USP14: variants seen among roughly 807,000 people sequenced by gnomAD.
The protein encoded by USP14 is ubiquitin specific peptidase 14.
USP14 carries 38 observed loss-of-function variants against 76.5 expected under a neutral mutation model. The ratio of observed to expected loss-of-function variants is 0.50; its 90% CI spans 0.38 to 0.65. The LOEUF is 0.65. USP14 is among the 30% of genes least tolerant of loss of function. The pLI is 0.00. For missense variants in USP14, 467 were observed against 586.5 expected (o/e 0.80, Z 2.10); for synonymous variants, 192 against 191.7 (o/e 1.00, Z -0.01).
chr18:188,313 G>T (rs1282445854), intron 5 of USP14, among the ~76,000 whole-genome samples: 2 of 152,016 alleles, frequency 1.3e-5, no homozygotes, highest in Non-Finnish European at 2.9e-5. Flanking sequence ...TGTTGACCTA[G>T]TACTAAGATT....
At chr18:210,335 G>A (rs753133147) in intron 14 of USP14, 51 bp from the exon 15 acceptor site, 3 of 1,304,960 alleles carry the variant, frequency 2.3e-6, no homozygotes, top group South Asian at 1.4e-5. Flanking sequence ...AGCTTGAGAA[G>A]GCACATGTCT....
intron 13 of USP14, among the ~76,000 whole-genome samples, chr18:209,713 C>T (rs1910619574): frequency 6.6e-6 from 1 of 152,164 alleles, no homozygotes; most frequent in African/African-American, 2.4e-5. Flanking sequence ...TACGCTTTCA[C>T]TTTAATGGTT....
chr18:174,474 C>A (rs1368987604), intron 3 of USP14, among the ~76,000 whole-genome samples: 2 of 152,010 alleles, frequency 1.3e-5, no homozygotes, highest in Non-Finnish European at 2.9e-5. Flanking sequence ...CCATGTTGGT[C>A]AGGCTGGTCT....
chr18:190,664 C>T (rs1910061256), intron 5 of USP14, among the ~76,000 whole-genome samples: 1 of 152,142 alleles, frequency 6.6e-6, no homozygotes, highest in South Asian at 2.1e-4. Context: ...AAAATGTCCT[C>T]TCTTTGTAGG....
intron 14 of USP14, 53 bp downstream of exon 14, chr18:210,084 T>C: frequency 1.4e-6 from 2 of 1,389,582 alleles, no homozygotes; most frequent in Non-Finnish European, 2.0e-6. Context: ...CTTTTTAAGG[T>C]AAAATTTACA....
At chr18:171,633 T>C (rs1035325219) in intron 3 of USP14, among the ~76,000 whole-genome samples, 1 of 152,214 alleles carries the variant, frequency 6.6e-6, no homozygotes, top group African/African-American at 2.4e-5. Flanking sequence ...TCCTGTCTGC[T>C]ACAACAACTA....
intron 3 of USP14, among the ~76,000 whole-genome samples, chr18:177,663 G>T: frequency 7.1e-6 from 1 of 140,574 alleles, no homozygotes; most frequent in African/African-American, 2.6e-5. Flanking sequence ...CTCCACTTCT[G>T]GTCCTACCTT....
chr18:198,057 C>A lies in USP14; in HGVS notation c.686C>A (p.Ser229Ter). 1 of 1,609,266 alleles carries A rather than the reference C, an allele frequency of 6.2e-7. No homozygotes were observed. The highest frequency in any genetic ancestry group is 1.3e-5 in the African/African-American group (1 of 74,944). The change falls in exon 9 of 16, where the codon TCA becomes TAA. Residue 229 changes from serine (S) to a stop codon, truncating the protein, a stop_gained. Transcript: ENST00000261601. LOFTEE classifies it high-confidence loss of function. ...TTTTAATTTTTGCAGACAGACTCCT[C>A]ATCTGCATCGGCAGCGACACCTTCT... ...EDDSVKETDS[S>*]SASAATPSKK...
chr18:161,582 T>A (rs1352613370), intron 1 of USP14, among the ~76,000 whole-genome samples: 1 of 151,788 alleles, frequency 6.6e-6, no homozygotes, highest in East Asian at 1.9e-4. Context: ...CACCCCCCCA[T>A]TAGGCTGTAA....
intron 3 of USP14, among the ~76,000 whole-genome samples, chr18:173,980 A>T (rs930916617): frequency 6.6e-6 from 1 of 152,156 alleles, no homozygotes; most frequent in Non-Finnish European, 1.5e-5. Flanking sequence ...CCTTGAAATC[A>T]GGTCGTCTAA....
In USP14 at chr18:214,292, AACT is replaced by A. The variant is rs961673566; in HGVS notation, c.*3013_*3015del. The stretch of plus-strand genomic sequence containing the variant: ...TGGGATTTCAGGATAAATTTTGTAA[AACT>A]ACTAACAAACAACACACAGGAAACT... On this transcript the variant is annotated 3_prime_UTR_variant, in exon 16 of 16. Coordinates refer to ENST00000261601, the MANE Select transcript of USP14 (RefSeq NM_005151.4). The A allele has an allele frequency of 5.1e-6, 1 of 197,596 alleles. No homozygotes were observed. The highest frequency in any genetic ancestry group is 1.0e-5 in the Non-Finnish European group (1 of 96,998). The allele number at this position is 197,596 out of a possible 1,614,324, so 12.2% of individuals were successfully genotyped here.
intron 3 of USP14, among the ~76,000 whole-genome samples, chr18:167,546 C>A (rs909208753): frequency 2.6e-5 from 4 of 151,834 alleles, no homozygotes; most frequent in African/African-American, 9.7e-5. Flanking sequence ...CTCACTCTCA[C>A]GTATGCCGGA....
rs1165430580 is a variant in USP14, at chr18:213,926, T to C, written c.*2642T>C. The stretch of plus-strand genomic sequence containing the variant: ...AAAGTGAGGTTTTAGACTTCATTTC[T>C]TTTAAAGTTGGCAAACAAACATTTT... On this transcript the variant is annotated 3_prime_UTR_variant, in exon 16 of 16. Transcript: ENST00000261601. 6.6e-6 allele frequency: 1 copy of C among 152,100 alleles called. No homozygotes were observed. The highest frequency in any genetic ancestry group is 1.5e-5 in the Non-Finnish European group (1 of 67,972). The allele number at this position is 152,100 out of a possible 1,614,324, so 9.4% of individuals were successfully genotyped here.
chr18:168,666 C>T (rs1470877411), intron 3 of USP14, among the ~76,000 whole-genome samples: 1 of 151,998 alleles, frequency 6.6e-6, no homozygotes, highest in Non-Finnish European at 1.5e-5. Flanking sequence ...AACTCCTGAC[C>T]TCAAGTGATC....
intron 14 of USP14, 31 bp downstream of exon 14, chr18:210,062 TTGTA>T (rs748351082): frequency 6.5e-7 from 1 of 1,526,968 alleles, no homozygotes; most frequent in Admixed American, 1.9e-5. Flanking sequence ...AATTGAGTTA[TTGTA>T]TGTGGGTCTT....
At chr18:178,882 A>C in intron 3 of USP14, 51 bp from the exon 4 acceptor site, 1 of 1,428,370 alleles carries the variant, frequency 7.0e-7, no homozygotes, top group Non-Finnish European at 9.7e-7. Flanking sequence ...GTTTGACATA[A>C]ACATTACCAA....
intron 5 of USP14, among the ~76,000 whole-genome samples, chr18:183,405 T>C (rs1328104013): frequency 1.3e-5 from 2 of 152,106 alleles, no homozygotes; most frequent in Non-Finnish European, 2.9e-5. Context: ...GTGAGCACTT[T>C]TAGTCTGAGG....
intron 5 of USP14, among the ~76,000 whole-genome samples, chr18:187,125 T>C (rs767834796): frequency 2.0e-5 from 3 of 152,220 alleles, no homozygotes; most frequent in Non-Finnish European, 4.4e-5. Flanking sequence ...TACTGTTTAC[T>C]CGTGAGTTTA....
rs1487991704 is a variant in USP14, at chr18:184,851, A to T, written c.404+4512A>T. Among the ~76,000 whole-genome samples the T allele has an allele frequency of 2.6e-5, 4 of 152,202 alleles. No individual in the cohort carries two copies. In the East Asian group the frequency reaches 7.7e-4, roughly 29 times the overall value. On this transcript the variant is annotated intron_variant, in intron 5 of 15. Transcript: ENST00000261601. ...AGTGTGTTCAAGAGAAATAGACTGG[A>T]TTAGCTTAAGAGGCAGTAAGGATCA...
Sources: allele counts gnomAD v4.1 joint callset (sites outside exome capture counted in the v4.1 genomes callset), GRCh38; gene constraint gnomAD v4.1.1; transcripts MANE v1.5; gene names NCBI Gene and HGNC (gene_info 2026-07-23, HGNC 2026-07-21).